Variants in PPP2R3A observed in about 807,000 individuals in gnomAD.
PPP2R3A encodes the protein serine/threonine-protein phosphatase 2A regulatory subunit B'' subunit alpha.
PPP2R3A carries 80 observed loss-of-function variants against 106.9 expected under a neutral mutation model. That is an observed-to-expected ratio of 0.75 (90% CI 0.62 to 0.90). PPP2R3A has a LOEUF of 0.90. Among genes scored for constraint, PPP2R3A ranks in the 40% least tolerant of loss-of-function variants. The pLI is 0.00. For synonymous variants in PPP2R3A, 483 were observed against 468.3 expected, an observed-to-expected ratio of 1.03 and a Z score of -0.41; for missense variants, 1,386 against 1,350.4, an observed-to-expected ratio of 1.03 and a Z score of -0.41.
chr3:136,001,953 A>G lies in PPP2R3A; in HGVS notation c.455A>G (p.Asn152Ser), dbSNP rs767821837. Residue 152 changes from asparagine (N) to serine (S), a missense_variant, in exon 2 of 14, where the codon AAT (asparagine) becomes AGT (serine). Coordinates refer to ENST00000264977, the MANE Select transcript of PPP2R3A (RefSeq NM_002718.5). The stretch of plus-strand genomic sequence containing the variant: ...AGGAAAGTTAAGTCTGACTCATTTA[A>G]TAGGAGGTCAGTTGATTTGGACTTG... ...KGRKVKSDSF[N>S]RRSVDLDLLC... 2 of 1,614,072 alleles carry G rather than the reference A, an allele frequency of 1.2e-6. No homozygotes were observed. The highest frequency in any genetic ancestry group is 2.7e-5 in the African/African-American group (2 of 74,954).
chr3:136,115,115 C>G (rs1418787380), intron 13 of PPP2R3A, among the ~76,000 whole-genome samples: 1 of 152,116 alleles, frequency 6.6e-6, no homozygotes, highest in African/African-American at 2.4e-5. Flanking sequence ...CTGATGATAC[C>G]CAAGCAAAGA....
chr3:136,002,082 C>A lies in PPP2R3A; in HGVS notation c.584C>A (p.Thr195Lys), dbSNP rs138854105. The change falls in exon 2 of 14, where the codon ACG becomes AAG. Residue 195 changes from threonine to lysine, a missense_variant. By Grantham distance (78) the Thr-to-Lys change is moderately conservative. Transcript: ENST00000264977. ...TTGTCTCATAGAAACTCACTGGATA[C>A]GAACCTGACTTCCATGTTTCTTCAA... Reference protein sequence around the residue: ...KPLSHRNSLDTNLTSMFLQNF... With the variant: ...KPLSHRNSLDKNLTSMFLQNF... The A allele has an allele frequency of 2.6e-5, 42 of 1,613,932 alleles. No homozygotes were observed. Among genetic ancestry groups the A allele is most frequent in the Non-Finnish European group, 3.5e-5 (41 of 1,179,994 alleles).
intron 13 of PPP2R3A, among the ~76,000 whole-genome samples, chr3:136,116,349 A>C (rs1937761275): frequency 6.6e-6 from 1 of 152,212 alleles, no homozygotes; most frequent in Non-Finnish European, 1.5e-5. Flanking sequence ...GGACAAAATA[A>C]CTAGCTAGCA....
At chr3:136,125,731 A>G (rs1938155921) in intron 13 of PPP2R3A, among the ~76,000 whole-genome samples, 1 of 152,150 alleles carries the variant, frequency 6.6e-6, no homozygotes, top group Non-Finnish European at 1.5e-5. Flanking sequence ...ACATCAATAT[A>G]AAACTTCTTA....
intron 2 of PPP2R3A, among the ~76,000 whole-genome samples, chr3:136,021,488 A>G (rs1934463863): frequency 6.6e-6 from 1 of 152,132 alleles, no homozygotes; most frequent in African/African-American, 2.4e-5. Context: ...AGTTGTCAGA[A>G]TGTCTTGAAA....
chr3:136,125,031 C>G (rs1317330361), intron 13 of PPP2R3A, among the ~76,000 whole-genome samples: 1 of 152,096 alleles, frequency 6.6e-6, no homozygotes, highest in East Asian at 1.9e-4. Context: ...AAGAAAAGTC[C>G]AAGTCCAGGC....
intron 13 of PPP2R3A, among the ~76,000 whole-genome samples, chr3:136,138,643 C>T (rs1379966569): frequency 6.9e-6 from 1 of 144,226 alleles, no homozygotes; most frequent in Non-Finnish European, 1.5e-5. Flanking sequence ...AAAGATAAAT[C>T]ACACACTTGT....
At chr3:136,065,731 A>C (rs1182174593) in intron 5 of PPP2R3A, among the ~76,000 whole-genome samples, 2 of 152,228 alleles carry the variant, frequency 1.3e-5, no homozygotes. Flanking sequence ...GCTGGAATGC[A>C]GTGGCACCAT....
At chr3:136,035,016 G>A (rs1005296983) in intron 3 of PPP2R3A, among the ~76,000 whole-genome samples, 1 of 151,980 alleles carries the variant, frequency 6.6e-6, no homozygotes, top group African/African-American at 2.4e-5. Context: ...TTTAAAGTTT[G>A]TCTGATATAA....
chr3:136,102,562 G>T (rs1011286470), intron 11 of PPP2R3A, among the ~76,000 whole-genome samples: 1 of 151,888 alleles, frequency 6.6e-6, no homozygotes, highest in African/African-American at 2.4e-5. Flanking sequence ...GGCCAGGCTG[G>T]TCTCGAACTC....
At chr3:136,099,174 T>C (rs1937291265) in intron 10 of PPP2R3A, among the ~76,000 whole-genome samples, 1 of 152,158 alleles carries the variant, frequency 6.6e-6, no homozygotes, top group South Asian at 2.1e-4. Context: ...GATTCGACAC[T>C]GGGTCATCCC....
chr3:135,984,448 C>G (rs1399751254), intron 1 of PPP2R3A, among the ~76,000 whole-genome samples: 1 of 152,120 alleles, frequency 6.6e-6, no homozygotes, highest in Non-Finnish European at 1.5e-5. Flanking sequence ...TCAGCACAAT[C>G]CTAGTAATAT....
chr3:136,102,327 C>T, intron 11 of PPP2R3A, 145 bp downstream of exon 11: 1 of 553,812 alleles, frequency 1.8e-6, no homozygotes, highest in South Asian at 2.8e-5. Flanking sequence ...TTCTCCTTGA[C>T]TATTAGTGTA....
intron 3 of PPP2R3A, among the ~76,000 whole-genome samples, chr3:136,034,387 C>G (rs1341883285): frequency 6.6e-6 from 1 of 152,156 alleles, no homozygotes; most frequent in Non-Finnish European, 1.5e-5. Context: ...TTAGCATTGC[C>G]TTTGCTGTGT....
chr3:136,136,616 G>A (rs1938633786), intron 13 of PPP2R3A, among the ~76,000 whole-genome samples: 3 of 152,104 alleles, frequency 2.0e-5, no homozygotes, highest in Non-Finnish European at 2.9e-5. Context: ...TCTTAGTCTT[G>A]TAGTCCCAGC....
chr3:135,987,536 A>G (rs1305992388), intron 1 of PPP2R3A, among the ~76,000 whole-genome samples: 1 of 152,150 alleles, frequency 6.6e-6, no homozygotes, highest in African/African-American at 2.4e-5. Flanking sequence ...AAGTCTTCCA[A>G]GGCTATTCAG....
At chr3:136,081,442 T>C (rs543304073) in intron 7 of PPP2R3A, among the ~76,000 whole-genome samples, 1 of 152,200 alleles carries the variant, frequency 6.6e-6, no homozygotes, top group South Asian at 2.1e-4. Flanking sequence ...AGATCTGTTT[T>C]GGGGGCATGG....
intron 1 of PPP2R3A, among the ~76,000 whole-genome samples, chr3:135,980,234 G>A (rs2107758146): frequency 6.6e-6 from 1 of 151,862 alleles, no homozygotes; most frequent in East Asian, 1.9e-4. Context: ...TTGAGTTAGT[G>A]TCCCAACCAA....
At position 136,145,358 on chromosome 3, in the gene PPP2R3A, C is replaced by T; in HGVS notation, c.*192C>T. 1.7e-6 allele frequency: 1 copy of T among 585,044 alleles called. No homozygotes were observed. The highest frequency in any genetic ancestry group is 2.2e-5 in the South Asian group (1 of 45,246). 36.2% of individuals were successfully genotyped at this position (585,044 alleles called of 1,614,324 possible). A position where few individuals can be genotyped will look rare whatever the true frequency, so the allele number is the denominator to read the frequency against. On this transcript the variant is annotated 3_prime_UTR_variant, in exon 14 of 14. Coordinates refer to ENST00000264977, the MANE Select transcript of PPP2R3A (RefSeq NM_002718.5). ...CTTAGGAGGCTCCTCCAATTTGCCT[C>T]AAACCTCTTACGGAGCTTCTCCTCA...
Sources: allele counts gnomAD v4.1 joint callset (sites outside exome capture counted in the v4.1 genomes callset), GRCh38; gene constraint gnomAD v4.1.1; transcripts MANE v1.5; gene names NCBI Gene and HGNC (gene_info 2026-07-23, HGNC 2026-07-21).